EFCAB3: variants seen among roughly 807,000 people sequenced by gnomAD.
The protein encoded by EFCAB3 is EF-hand calcium binding domain 3, also known as EF-hand calcium-binding domain-containing protein 3.
In EFCAB3, 36 loss-of-function variants were observed where a neutral mutation model predicts 42.2. That is an observed-to-expected ratio of 0.85 (90% CI 0.65 to 1.13). The LOEUF is 1.13. Among genes scored for constraint, EFCAB3 ranks in the 50% most tolerant of loss-of-function variants. EFCAB3 has a pLI of 0.00. For missense variants in EFCAB3, 418 were observed against 505.1 expected (o/e 0.83, Z 1.65); for synonymous variants, 170 against 172.8 (o/e 0.98, Z 0.13).
At chr17:62,382,942 A>C (rs2070215610) in intron 1 of EFCAB3, 21 bp from the exon 2 acceptor site, 1 of 1,592,732 alleles carries the variant, frequency 6.3e-7, no homozygotes, top group Non-Finnish European at 8.5e-7. Context: ...TGATTTCTTA[A>C]TTGTATATTC....
chr17:62,377,324 C>T (rs971485050), upstream of EFCAB3, among the ~76,000 whole-genome samples: 5 of 152,138 alleles, frequency 3.3e-5, no homozygotes, highest in Non-Finnish European at 7.4e-5. Flanking sequence ...ATTGGTTTAT[C>T]TGGCCAGGCC....
chr17:62,370,500 C>T (rs925414891), intron 1 of EFCAB3, among the ~76,000 whole-genome samples: 3 of 151,902 alleles, frequency 2.0e-5, no homozygotes, highest in African/African-American at 7.3e-5. Flanking sequence ...ACTAAAACTA[C>T]AAAAAATTAA....
intron 6 of EFCAB3, among the ~76,000 whole-genome samples, chr17:62,399,540 T>C (rs2070383101): frequency 6.6e-6 from 1 of 152,152 alleles, no homozygotes; most frequent in Non-Finnish European, 1.5e-5. Context: ...TTTGACTTTG[T>C]CTCTGTTACT....
At chr17:62,404,413 G>A (rs8071930) in intron 6 of EFCAB3, among the ~76,000 whole-genome samples, 2,967 of 152,268 alleles carry the variant, frequency 0.019, 93 homozygotes, top group African/African-American at 0.067. Flanking sequence ...CAGAAGGACT[G>A]CTTGAGTCCA....
rs972118166 is a variant in EFCAB3 at position 62,396,329 on chromosome 17, C to T, written c.488+1141C>T. Among the ~76,000 whole-genome samples, 10 of 151,864 alleles carry T rather than the reference C, an allele frequency of 6.6e-5. No homozygotes were observed. The South Asian group carries it at 8.3e-4, about 13-fold the overall frequency. Reference sequence around the variant, plus strand: ...CAGCACTTAGGGAGGCTGAGGCAGGCGAATCACAAGGTCAGGAATTCGAGA... The same window carrying T: ...CAGCACTTAGGGAGGCTGAGGCAGGTGAATCACAAGGTCAGGAATTCGAGA... On this transcript the variant is annotated intron_variant, in intron 6 of 9. Transcript: ENST00000305286.
At chr17:62,385,235 G>A (rs529475700) in intron 2 of EFCAB3, among the ~76,000 whole-genome samples, 3 of 152,280 alleles carry the variant, frequency 2.0e-5, no homozygotes, top group Admixed American at 2.0e-4. Context: ...CTTGAGCCCA[G>A]GTGTTCAAGA....
chr17:62,391,696 C>A (rs1407547355), intron 3 of EFCAB3, 126 bp from the exon 4 acceptor site: 1 of 1,027,414 alleles, frequency 9.7e-7, no homozygotes, highest in Non-Finnish European at 1.4e-6. Flanking sequence ...ATTAAGCACT[C>A]ATTTTTTTCG....
At chr17:62,405,879 T>C (rs1347959791) in intron 6 of EFCAB3, among the ~76,000 whole-genome samples, 1 of 152,206 alleles carries the variant, frequency 6.6e-6, no homozygotes, top group Non-Finnish European at 1.5e-5. Context: ...GTAAGCTTAC[T>C]GGTAGTATTT....
In EFCAB3 at chr17:62,407,101, G is replaced by A. The variant is rs770302739; in HGVS notation, c.756G>A (p.Val252=). 1 of 1,613,286 alleles carries A rather than the reference G, an allele frequency of 6.2e-7. No individual in the cohort carries two copies. Among genetic ancestry groups the A allele is most frequent in the South Asian group, 1.1e-5 (1 of 90,884 alleles). Residue 252 remains valine, a synonymous_variant, in exon 8 of 10, where the codon GTG becomes GTA. Coordinates refer to ENST00000305286, the MANE Select transcript of EFCAB3 (RefSeq NM_173503.4). Reference sequence around the variant, plus strand: ...CATTGTTCCCTAATGTGGATGGGGTGGTGATGGGAAAGCCATTCAAAGACA... The same window carrying A: ...CATTGTTCCCTAATGTGGATGGGGTAGTGATGGGAAAGCCATTCAAAGACA... ...IFPLFPNVDG[V]VMGKPFKDMQ... is the part of the protein sequence containing the mutation.
At position 62,416,476 on chromosome 17, in the gene EFCAB3, T is replaced by A; in HGVS notation, c.*147T>A. 3 of 594,408 alleles carry A rather than the reference T, an allele frequency of 5.0e-6. No homozygotes were observed. Among genetic ancestry groups the A allele is most frequent in the Non-Finnish European group, 8.3e-6 (3 of 362,206 alleles). 36.8% of individuals were successfully genotyped at this position (594,408 alleles called of 1,614,324 possible). A position where few individuals can be genotyped will look rare whatever the true frequency, so the allele number is the denominator to read the frequency against. ...CTGACCAGTAAAAAAGTTTAAGTCA[T>A]AAAATGGTTTCCCTTTCCTAAATCT... On this transcript the variant is annotated 3_prime_UTR_variant, in exon 10 of 10. Transcript: ENST00000305286.
intron 2 of EFCAB3, among the ~76,000 whole-genome samples, chr17:62,383,400 G>A (rs2070221172): frequency 6.6e-6 from 1 of 152,080 alleles, no homozygotes; most frequent in African/African-American, 2.4e-5. Context: ...CTTGAACTTG[G>A]GGGACAGAGG....
chr17:62,380,260 C>G (rs1300128689), upstream of EFCAB3, among the ~76,000 whole-genome samples: 1 of 152,204 alleles, frequency 6.6e-6, no homozygotes, highest in Non-Finnish European at 1.5e-5. Context: ...CCTCGGCCCC[C>G]CAAAGTGCTG....
chr17:62,383,115 C>A, intron 2 of EFCAB3, 62 bp downstream of exon 2: 1 of 1,450,944 alleles, frequency 6.9e-7, no homozygotes, highest in Non-Finnish European at 9.4e-7. Flanking sequence ...AGTGTTACAG[C>A]TCTTTTAGAA....
intron 2 of EFCAB3, among the ~76,000 whole-genome samples, chr17:62,385,037 T>G (rs761287179): frequency 3.3e-5 from 5 of 152,236 alleles, no homozygotes; most frequent in African/African-American, 4.8e-5. Context: ...ATTTTCAATT[T>G]ACAATATTTT....
chr17:62,394,461 A>G (rs921742778), intron 5 of EFCAB3, among the ~76,000 whole-genome samples: 1 of 152,194 alleles, frequency 6.6e-6, no homozygotes, highest in Non-Finnish European at 1.5e-5. Context: ...GCTGGAGGTT[A>G]GAGAGCATTA....
intron 1 of EFCAB3, chr17:62,381,750 G>A: frequency 2.8e-6 from 1 of 360,108 alleles, no homozygotes; most frequent in South Asian, 2.5e-5. Context: ...GAGGATCCTG[G>A]ACAGCGTAGG....
chr17:62,378,946 G>T (rs1446047563), upstream of EFCAB3, among the ~76,000 whole-genome samples: 1 of 151,980 alleles, frequency 6.6e-6, no homozygotes, highest in African/African-American at 2.4e-5. Context: ...GTGGTGGGTT[G>T]GGGGCAGAAT....
At chr17:62,382,354 A>G (rs2070210104) in intron 1 of EFCAB3, among the ~76,000 whole-genome samples, 1 of 152,202 alleles carries the variant, frequency 6.6e-6, no homozygotes, top group African/African-American at 2.4e-5. Context: ...TGATATATGT[A>G]TACATTGTTA....
chr17:62,402,526 T>C (rs1003377345), intron 6 of EFCAB3, among the ~76,000 whole-genome samples: 2 of 152,220 alleles, frequency 1.3e-5, no homozygotes, highest in African/African-American at 4.8e-5. Context: ...TCGAAGGCCT[T>C]TTCTGCATCT....
Sources: gnomAD v4.1 joint callset for allele counts (sites outside exome capture counted in the v4.1 genomes callset) on GRCh38, gnomAD v4.1.1 for gene constraint, MANE v1.5 for transcripts, NCBI Gene and HGNC (gene_info 2026-07-23, HGNC 2026-07-21) for gene names.